PTPRD: variants seen among roughly 807,000 people sequenced by gnomAD.
The protein encoded by PTPRD is receptor-type tyrosine-protein phosphatase delta.
In PTPRD, 34 loss-of-function variants were observed where a neutral mutation model predicts 214.5. The ratio of observed to expected loss-of-function variants is 0.16; its 90% confidence interval spans 0.12 to 0.21. PTPRD has a LOEUF of 0.21. Among genes scored for constraint, PTPRD ranks in the 10% least tolerant of loss-of-function variants. The probability of loss-of-function intolerance (pLI) is 1.00; values close to 1 mark genes in which losing one functional copy is unlikely to be tolerated. For synonymous variants in PTPRD, 1,128 were observed against 845.7 expected, an observed-to-expected ratio of 1.33 and a Z score of -5.79; for missense variants, 2,545 against 2,398.7, an observed-to-expected ratio of 1.06 and a Z score of -1.27.
At chr9:10,476,653 G>A (rs997527982) in intron 2 of PTPRD, among the ~76,000 whole-genome samples, 6 of 151,962 alleles carry the variant, frequency 3.9e-5, no homozygotes, top group South Asian at 2.1e-4. Context: ...AATTTTATAC[G>A]GAACCAAAAA....
intron 5 of PTPRD, among the ~76,000 whole-genome samples, chr9:9,857,987 T>C: frequency 6.6e-6 from 1 of 152,210 alleles, no homozygotes; most frequent in East Asian, 1.9e-4. Context: ...ATATGAAGAA[T>C]GCATTATCAT....
intron 2 of PTPRD, among the ~76,000 whole-genome samples, chr9:10,458,295 G>C (rs557848958): frequency 2.0e-5 from 3 of 151,926 alleles, no homozygotes; most frequent in Admixed American, 6.6e-5. Context: ...AAAATTACTC[G>C]ACAAAATATT....
At chr9:9,293,463 G>A (rs1039874873) in intron 9 of PTPRD, among the ~76,000 whole-genome samples, 1 of 149,510 alleles carries the variant, frequency 6.7e-6, no homozygotes, top group Non-Finnish European at 1.5e-5. Context: ...CATATCTTGT[G>A]TAGTTCCTGC....
chr9:9,747,550 T>G (rs370788519), intron 6 of PTPRD, among the ~76,000 whole-genome samples: 6,817 of 151,494 alleles, frequency 0.045, 212 homozygotes, highest in Middle Eastern at 0.15. Flanking sequence ...TTTTTTTTTT[T>G]TTTTTTTCTC....
chr9:10,417,910 T>C (rs1001403655), intron 2 of PTPRD, among the ~76,000 whole-genome samples: 6 of 151,786 alleles, frequency 4.0e-5, no homozygotes, highest in African/African-American at 1.2e-4. Context: ...TAAATGAATC[T>C]AGATGGTTTT....
chr9:9,336,845 T>G (rs1264752572), intron 9 of PTPRD, among the ~76,000 whole-genome samples: 1 of 152,132 alleles, frequency 6.6e-6, no homozygotes, highest in East Asian at 1.9e-4. Context: ...TTGTGATAGT[T>G]TATATGAGTA....
At chr9:10,610,552 G>A (rs1038048602) in intron 2 of PTPRD, among the ~76,000 whole-genome samples, 1 of 151,606 alleles carries the variant, frequency 6.6e-6, no homozygotes, top group Non-Finnish European at 1.5e-5. Context: ...GGACATGTGA[G>A]GTCAGAAATG....
At chr9:9,378,429 G>A (rs2061369030) in intron 9 of PTPRD, among the ~76,000 whole-genome samples, 1 of 152,130 alleles carries the variant, frequency 6.6e-6, no homozygotes, top group African/African-American at 2.4e-5. Context: ...CCTAGTGAAA[G>A]ACAACTTGAT....
intron 3 of PTPRD, among the ~76,000 whole-genome samples, chr9:10,323,278 C>T (rs1348392251): frequency 2.5e-4 from 16 of 65,044 alleles, no homozygotes; most frequent in African/African-American, 9.9e-4. Context: ...CCCTCCCCTC[C>T]CCTCTCCTCC....
At chr9:9,736,243 G>A (rs73641348) in intron 6 of PTPRD, among the ~76,000 whole-genome samples, 1 of 151,886 alleles carries the variant, frequency 6.6e-6, no homozygotes, top group Non-Finnish European at 1.5e-5. Flanking sequence ...TCCAGCCTAT[G>A]GTTCTAACTT....
chr9:10,555,308 T>A (rs996937881), intron 2 of PTPRD, among the ~76,000 whole-genome samples: 2 of 152,196 alleles, frequency 1.3e-5, no homozygotes, highest in Non-Finnish European at 2.9e-5. Context: ...AACTCATTAG[T>A]TACAGGTACA....
At chr9:9,563,811 G>A (rs1420364065) in intron 8 of PTPRD, among the ~76,000 whole-genome samples, 4 of 152,110 alleles carry the variant, frequency 2.6e-5, no homozygotes, top group Admixed American at 6.5e-5. Flanking sequence ...TCATACTATA[G>A]AACTAGAATT....
intron 10 of PTPRD, among the ~76,000 whole-genome samples, chr9:9,033,612 C>G (rs1046579821): frequency 6.6e-5 from 10 of 151,970 alleles, no homozygotes; most frequent in Non-Finnish European, 1.3e-4. Context: ...TTATTTTTCC[C>G]TTTTTTGATT....
chr9:9,565,922 T>C (rs184048887), intron 8 of PTPRD, among the ~76,000 whole-genome samples: 5 of 152,030 alleles, frequency 3.3e-5, no homozygotes, highest in Admixed American at 3.3e-4. Context: ...TCTTCTATAG[T>C]AGGGAATCTA....
chr9:9,082,088 G>A (rs960202508), intron 10 of PTPRD, among the ~76,000 whole-genome samples: 3 of 149,694 alleles, frequency 2.0e-5, no homozygotes, highest in African/African-American at 5.0e-5. Flanking sequence ...AGAAAAAGAC[G>A]GACTCCTCCC....
chr9:8,636,913 G>A (rs1270503410), intron 12 of PTPRD, 69 bp from the exon 13 acceptor site: 41 of 1,502,348 alleles, frequency 2.7e-5, no homozygotes, highest in Non-Finnish European at 3.7e-5. Context: ...TACTACCGCT[G>A]CTCTCCCCAC....
intron 7 of PTPRD, among the ~76,000 whole-genome samples, chr9:9,628,557 T>C (rs2154357760): frequency 6.6e-6 from 1 of 152,284 alleles, no homozygotes; most frequent in East Asian, 1.9e-4. Context: ...TTCACTCCCC[T>C]TGGCAAAAGC....
At chr9:9,886,616 AAG>A (rs1292908262) in intron 5 of PTPRD, among the ~76,000 whole-genome samples, 1 of 152,142 alleles carries the variant, frequency 6.6e-6, no homozygotes, top group Non-Finnish European at 1.5e-5. Context: ...TGTCATTGAA[AAG>A]AGGTGTCTAT....
chr9:10,019,697 T>A (rs10122491), intron 4 of PTPRD, among the ~76,000 whole-genome samples: 1 of 151,334 alleles, frequency 6.6e-6, no homozygotes, highest in Admixed American at 6.6e-5. Flanking sequence ...AAACACCGCA[T>A]GTTCTCACTC....
Sources: gnomAD v4.1 joint callset for allele counts (sites outside exome capture counted in the v4.1 genomes callset) on GRCh38, gnomAD v4.1.1 for gene constraint, MANE v1.5 for transcripts, NCBI Gene and HGNC (gene_info 2026-07-23, HGNC 2026-07-21) for gene names.